The following KCTD16 variants were observed in gnomAD, a reference collection of about 807,000 sequenced individuals.
The protein encoded by KCTD16 is BTB/POZ domain-containing protein KCTD16.
In KCTD16, 13 loss-of-function variants were observed where a neutral mutation model predicts 33.2. The observed-to-expected ratio is 0.39, with a 90% CI of 0.25 to 0.62. KCTD16 has a LOEUF of 0.62. Among genes scored for constraint, KCTD16 ranks in the 20% least tolerant of loss-of-function variants. The pLI is 0.50. For missense variants in KCTD16, 441 were observed against 525.1 expected (o/e 0.84, Z 1.57); for synonymous variants, 197 against 195.3 (o/e 1.01, Z -0.07).
intron 3 of KCTD16, among the ~76,000 whole-genome samples, chr5:144,422,829 A>T (rs1753240483): frequency 6.6e-6 from 1 of 152,146 alleles, no homozygotes; most frequent in Admixed American, 6.5e-5. Context: ...AAAACAGTAG[A>T]TCACAAAAAT....
chr5:144,411,916 T>TA (rs1487652357), intron 3 of KCTD16, among the ~76,000 whole-genome samples: 1 of 152,108 alleles, frequency 6.6e-6, no homozygotes, highest in Non-Finnish European at 1.5e-5. Context: ...CACAGGTATA[T>TA]ATAAAAAAAT....
chr5:144,284,580 G>A (rs1048403232), intron 3 of KCTD16, among the ~76,000 whole-genome samples: 1 of 152,122 alleles, frequency 6.6e-6, no homozygotes, highest in African/African-American at 2.4e-5. Context: ...CCATTCTCCA[G>A]TAATATTGAA....
intron 2 of KCTD16, among the ~76,000 whole-genome samples, chr5:144,177,479 C>T (rs537370514): frequency 2.2e-4 from 34 of 152,266 alleles, no homozygotes; most frequent in African/African-American, 5.8e-4. Flanking sequence ...TTTGGCAAGG[C>T]TTTTTCCTTC....
intron 3 of KCTD16, among the ~76,000 whole-genome samples, chr5:144,390,197 T>G (rs1226043513): frequency 6.6e-6 from 1 of 152,214 alleles, no homozygotes; most frequent in Non-Finnish European, 1.5e-5. Context: ...ATGTGATAAT[T>G]TATCATGGCT....
At position 144,476,966 on chromosome 5, in the gene KCTD16, G is replaced by A. The variant is rs914477302; in HGVS notation, c.*2852G>A. ...CTAATATAAAGAAGTTAGTAGTATT[G>A]AGTGGATACAATGAATGGGGAATCA... On this transcript the variant is annotated 3_prime_UTR_variant, in exon 4 of 4. Coordinates refer to ENST00000512467, the MANE Select transcript of KCTD16 (RefSeq NM_020768.4). The A allele has an allele frequency of 1.3e-5, 2 of 152,092 alleles. No homozygotes were observed. Among genetic ancestry groups the A allele is most frequent in the Admixed American group, 1.3e-4 (2 of 15,268 alleles). 9.4% of individuals were successfully genotyped at this position (152,092 alleles called of 1,614,324 possible).
chr5:144,474,228 C>A lies in KCTD16; in HGVS notation c.*114C>A. On this transcript the variant is annotated 3_prime_UTR_variant, in exon 4 of 4. Transcript: ENST00000512467. ...AACTAATGATGCACATTTCTTAGAA[C>A]ACAATAGTCCATTGATATACTACTG... is the stretch of plus-strand genomic sequence containing the variant. 1.3e-6 allele frequency: 1 copy of A among 787,042 alleles called. No homozygotes were observed. The highest frequency in any genetic ancestry group is 2.0e-6 in the Non-Finnish European group (1 of 501,202). The allele number at this position is 787,042 out of a possible 1,614,324, so 48.8% of individuals were successfully genotyped here.
At chr5:144,321,638 A>G (rs554536350) in intron 3 of KCTD16, among the ~76,000 whole-genome samples, 1 of 152,258 alleles carries the variant, frequency 6.6e-6, no homozygotes, top group Non-Finnish European at 1.5e-5. Flanking sequence ...GTTTGATTTG[A>G]CGGCCTTATT....
At chr5:144,297,358 C>T (rs947544498) in intron 3 of KCTD16, among the ~76,000 whole-genome samples, 3 of 152,146 alleles carry the variant, frequency 2.0e-5, no homozygotes, top group African/African-American at 7.2e-5. Flanking sequence ...TTTATTGACT[C>T]TAAGAAGAAG....
chr5:144,415,155 A>G (rs766505746), intron 3 of KCTD16, among the ~76,000 whole-genome samples: 1 of 152,172 alleles, frequency 6.6e-6, no homozygotes, highest in African/African-American at 2.4e-5. Flanking sequence ...AGCGGAAACA[A>G]GAGGGAGCCA....
chr5:144,204,865 T>C (rs998079623), intron 2 of KCTD16, among the ~76,000 whole-genome samples: 1 of 151,848 alleles, frequency 6.6e-6, no homozygotes, highest in African/African-American at 2.4e-5. Flanking sequence ...GTGAATATGG[T>C]TTAAATCAAA....
chr5:144,348,044 C>G (rs1752852034), intron 3 of KCTD16, among the ~76,000 whole-genome samples: 1 of 152,192 alleles, frequency 6.6e-6, no homozygotes, highest in Non-Finnish European at 1.5e-5. Context: ...TAAACCTTTT[C>G]TGGTTTTTCT....
chr5:144,395,995 A>C (rs1752559842), intron 3 of KCTD16, among the ~76,000 whole-genome samples: 1 of 152,206 alleles, frequency 6.6e-6, no homozygotes, highest in Non-Finnish European at 1.5e-5. Flanking sequence ...TACAATGTGC[A>C]AGAGACTATA....
chr5:144,415,687 G>A (rs2126957198), intron 3 of KCTD16, among the ~76,000 whole-genome samples: 1 of 152,240 alleles, frequency 6.6e-6, no homozygotes, highest in African/African-American at 2.4e-5. Context: ...TCAATTCCGA[G>A]GCCTTTCTAT....
intron 3 of KCTD16, among the ~76,000 whole-genome samples, chr5:144,452,554 A>G (rs1753969410): frequency 1.3e-5 from 2 of 151,980 alleles, no homozygotes; most frequent in African/African-American, 4.8e-5. Context: ...ATAAAAGTAG[A>G]GTATCTCTAT....
chr5:144,368,510 A>G (rs905226034), intron 3 of KCTD16, among the ~76,000 whole-genome samples: 7 of 152,194 alleles, frequency 4.6e-5, no homozygotes, highest in African/African-American at 1.7e-4. Context: ...TCAGACCAGT[A>G]GCCACAAGAA....
At chr5:144,284,648 A>G (rs1755695148) in intron 3 of KCTD16, among the ~76,000 whole-genome samples, 1 of 152,194 alleles carries the variant, frequency 6.6e-6, no homozygotes, top group Non-Finnish European at 1.5e-5. Context: ...TACCTGCTAT[A>G]TTTTGTTACT....
intron 3 of KCTD16, among the ~76,000 whole-genome samples, chr5:144,402,479 G>C (rs937006729): frequency 6.6e-6 from 1 of 152,090 alleles, no homozygotes; most frequent in Non-Finnish European, 1.5e-5. Flanking sequence ...TTAGTGATAA[G>C]GAAGAATATA....
At chr5:144,243,806 C>T (rs1036044751) in intron 3 of KCTD16, among the ~76,000 whole-genome samples, 3 of 152,002 alleles carry the variant, frequency 2.0e-5, no homozygotes, top group African/African-American at 7.2e-5. Context: ...TGCAGTGGCA[C>T]GATGTTGGCT....
At chr5:144,420,603 C>T (rs923573943) in intron 3 of KCTD16, among the ~76,000 whole-genome samples, 25 of 152,092 alleles carry the variant, frequency 1.6e-4, no homozygotes, top group African/African-American at 6.0e-4. Context: ...TTTATAGAGG[C>T]TGAGGATTGA....
Sources: allele counts gnomAD v4.1 joint callset (sites outside exome capture counted in the v4.1 genomes callset), GRCh38; gene constraint gnomAD v4.1.1; transcripts MANE v1.5; gene names NCBI Gene and HGNC (gene_info 2026-07-23, HGNC 2026-07-21).